TACC2: variants seen among roughly 807,000 people sequenced by gnomAD.
TACC2 encodes transforming acidic coiled-coil-containing protein 2.
In TACC2, 137 loss-of-function variants were observed where a neutral mutation model predicts 227.3. The observed-to-expected ratio is 0.60, with a 90% confidence interval of 0.52 to 0.69. TACC2 has a LOEUF of 0.69. Ranked by LOEUF, TACC2 falls within the 30% of genes least tolerant of loss-of-function variation. The pLI, the probability that TACC2 is intolerant of heterozygous loss-of-function variation, is 0.00. For synonymous variants in TACC2, 1,523 were observed against 1,487.5 expected, an observed-to-expected ratio of 1.02 and a Z score of -0.55; for missense variants, 3,470 against 3,694.4, an observed-to-expected ratio of 0.94 and a Z score of 1.57.
rs146711420 is a variant in TACC2, at chr10:122,108,736, C to G, written c.5573+20145C>G. The stretch of plus-strand genomic sequence containing the variant: ...GGGATTACAGGTGTGAGCCATCGCC[C>G]GGTCTTCTTTTTTTCTTTTCTTGAG... On this transcript the variant is annotated intron_variant, in intron 5 of 22. Transcript: ENST00000369005. Among the ~76,000 whole-genome samples the G allele has an allele frequency of 6.8e-5, 10 of 148,090 alleles. No individual in the cohort carries two copies. The East Asian group carries it at 2.0e-3, about 30-fold the overall frequency.
At chr10:122,016,611 T>G (rs1280555908) in intron 1 of TACC2, among the ~76,000 whole-genome samples, 1 of 151,674 alleles carries the variant, frequency 6.6e-6, no homozygotes, top group Non-Finnish European at 1.5e-5. Context: ...CCTGAGGCCT[T>G]TCTCACCTCT....
At chr10:122,148,675 T>C (rs1318337609) in intron 7 of TACC2, among the ~76,000 whole-genome samples, 2 of 152,244 alleles carry the variant, frequency 1.3e-5, no homozygotes, top group Non-Finnish European at 2.9e-5. Context: ...CTTGCAAACA[T>C]GCTGGGTGAC....
intron 2 of TACC2, chr10:122,023,087 C>T (rs539398244): frequency 2.6e-5 from 4 of 152,146 alleles, no homozygotes; most frequent in South Asian, 2.1e-4. Context: ...CTGTCACCCA[C>T]GCTGGAGTGC....
In TACC2 at chr10:122,087,662, C is replaced by A; in HGVS notation, c.5162C>A (p.Ser1721Tyr). Residue 1721 changes from serine to tyrosine, a missense_variant, in exon 4 of 23, where the codon TCC becomes TAC. Transcript: ENST00000369005. ...ACAGCTGAGACACAGGCATGTGCGTCCGGTGATCTGCCTGAAGCAGGTACT... is the reference window on the plus strand; with the variant it reads ...ACAGCTGAGACACAGGCATGTGCGTACGGTGATCTGCCTGAAGCAGGTACT... ...LSTAETQACA[S>Y]GDLPEAGTTR... 6.2e-7 allele frequency: 1 copy of A among 1,613,384 alleles called. No individual in the cohort carries two copies. Among genetic ancestry groups the A allele is most frequent in the Non-Finnish European group, 8.5e-7 (1 of 1,179,988 alleles).
chr10:122,136,545 G>GTATATATATATATATA (rs34534253), intron 6 of TACC2, among the ~76,000 whole-genome samples: 31 of 54,994 alleles, frequency 5.6e-4, no homozygotes, highest in African/African-American at 1.4e-3. Context: ...GTGTGTGTGT[G>GTATATATATATATATA]TATATATATA....
chr10:122,193,125 C>T (rs1212040360), intron 7 of TACC2, among the ~76,000 whole-genome samples: 1 of 152,168 alleles, frequency 6.6e-6, no homozygotes, highest in Non-Finnish European at 1.5e-5. Context: ...ATTATTTCCT[C>T]ATGAAATTTA....
chr10:122,183,756 G>A (rs1018263861), intron 7 of TACC2, among the ~76,000 whole-genome samples: 3 of 152,172 alleles, frequency 2.0e-5, no homozygotes, highest in Admixed American at 1.3e-4. Context: ...AGGAGCCTCC[G>A]TGAGTGGGGA....
intron 17 of TACC2, among the ~76,000 whole-genome samples, 185 bp from the exon 18 acceptor site, chr10:122,237,776 G>A (rs2095887681): frequency 1.3e-5 from 2 of 152,230 alleles, no homozygotes; most frequent in African/African-American, 4.8e-5. Flanking sequence ...TGGGCACTGT[G>A]AAAGTCTGAT....
chr10:122,015,800 C>A (rs962493401), intron 1 of TACC2, among the ~76,000 whole-genome samples: 3 of 151,782 alleles, frequency 2.0e-5, no homozygotes, highest in African/African-American at 7.3e-5. Context: ...TGCAGTGAGC[C>A]GAGATCGCTG....
At chr10:122,113,799 G>A (rs986981290) in intron 5 of TACC2, among the ~76,000 whole-genome samples, 1 of 152,246 alleles carries the variant, frequency 6.6e-6, no homozygotes, top group African/African-American at 2.4e-5. Flanking sequence ...GCACTTCGGG[G>A]ATCCGGCGCA....
chr10:122,124,036 A>G (rs1187578420), intron 5 of TACC2, among the ~76,000 whole-genome samples: 1 of 151,250 alleles, frequency 6.6e-6, no homozygotes, highest in East Asian at 2.0e-4. Context: ...CTGGTCTCGA[A>G]CTCCTGGCCT....
At chr10:122,134,703 C>T (rs1313973002) in intron 6 of TACC2, among the ~76,000 whole-genome samples, 2 of 152,182 alleles carry the variant, frequency 1.3e-5, no homozygotes, top group African/African-American at 4.8e-5. Context: ...GCCAATGGGG[C>T]ACGCCCTCCC....
In TACC2 at chr10:122,082,784, T is replaced by C; in HGVS notation, c.284T>C (p.Leu95Pro). ...QGARGPEGSL[L>P]PSPPPSQERE... ...GCCAGGGGGCCAGAAGGTTCTTTGC[T>C]GCCCAGCCCACCACCGTCCCAGGAG... The change falls in exon 4 of 23, where the codon CTG becomes CCG. Residue 95 changes from leucine to proline, a missense_variant. Leu to Pro is a moderately conservative substitution (Grantham distance 98). Transcript: ENST00000369005. 1.9e-6 allele frequency: 3 copies of C among 1,613,902 alleles called. No homozygotes were observed. The highest frequency in any genetic ancestry group is 1.7e-4 in the Middle Eastern group (1 of 6,060).
chr10:122,186,040 C>T (rs991498399), intron 7 of TACC2, among the ~76,000 whole-genome samples: 8 of 152,016 alleles, frequency 5.3e-5, no homozygotes, highest in Non-Finnish European at 1.0e-4. Flanking sequence ...GCTATTCTCC[C>T]GCCTCAGCCT....
At chr10:122,022,532 G>A (rs1957455006) in intron 2 of TACC2, 1 of 152,768 alleles carries the variant, frequency 6.5e-6, no homozygotes, top group Admixed American at 6.5e-5. Context: ...TTACAAGTAT[G>A]AGCCACCATT....
At position 122,050,660 on chromosome 10, in the gene TACC2, A is replaced by C; in HGVS notation, c.146+110A>C. 1.3e-6 allele frequency: 1 copy of C among 784,654 alleles called. No individual in the cohort carries two copies. The highest frequency in any genetic ancestry group is 2.1e-6 in the Non-Finnish European group (1 of 471,316). 48.6% of individuals were successfully genotyped at this position (784,654 alleles called of 1,614,324 possible). A position where few individuals can be genotyped will look rare whatever the true frequency, so the allele number is the denominator to read the frequency against. On this transcript the variant is annotated intron_variant, in intron 3 of 22. Coordinates refer to ENST00000369005, the MANE Select transcript of TACC2 (RefSeq NM_206862.4). This position sits in a 1 kb window ranked among gnomAD's most constrained non-coding sequence, Gnocchi z 4.6. ...CTTTGGAAACTGGACCCTTAGACAC[A>C]TGGTATCGTCCTCAGTGGTGAGATG... is the stretch of plus-strand genomic sequence containing the variant.
At chr10:122,185,019 T>A (rs1238238618) in intron 7 of TACC2, among the ~76,000 whole-genome samples, 1 of 148,352 alleles carries the variant, frequency 6.7e-6, no homozygotes, top group Non-Finnish European at 1.5e-5. Context: ...CTGTCACTTA[T>A]TCTTTTTTTT....
At chr10:122,042,281 C>T (rs551007105) in intron 2 of TACC2, among the ~76,000 whole-genome samples, 4 of 152,160 alleles carry the variant, frequency 2.6e-5, no homozygotes, top group Non-Finnish European at 5.9e-5. Context: ...CTCACTCTGT[C>T]GCCCAGGCTG....
rs556613103 is a variant in TACC2 at position 122,249,210 on chromosome 10, C to G, written c.8660+54C>G. 8 of 1,380,156 alleles carry G rather than the reference C, an allele frequency of 5.8e-6. No homozygotes were observed. The African/African-American group carries it at 9.9e-5, about 17-fold the overall frequency. The allele number at this position is 1,380,156 out of a possible 1,614,324, so 85.5% of individuals were successfully genotyped here. ...CAGGGGCCTCCCAGCAGCCCTTTTA[C>G]CCAGGCAGGCTGGGACCTCTGGCAG... On this transcript the variant is annotated intron_variant, in intron 21 of 22. Transcript: ENST00000369005.
Sources: allele counts gnomAD v4.1 joint callset (sites outside exome capture counted in the v4.1 genomes callset), GRCh38; gene constraint gnomAD v4.1.1; non-coding constraint Gnocchi (gnomAD v3.1); transcripts MANE v1.5; gene names NCBI Gene and HGNC (gene_info 2026-07-23, HGNC 2026-07-21).